The following MGST1 variants were observed in gnomAD, a reference collection of about 807,000 sequenced individuals.
MGST1 encodes microsomal glutathione S-transferase 1, also known as glutathione S-transferase 12.
A neutral mutation model predicts 8.9 loss-of-function variants in MGST1; 5 were observed. The observed-to-expected ratio is 0.56, with a 90% CI of 0.29 to 1.19. MGST1 has a LOEUF of 1.19. Among genes scored for constraint, MGST1 ranks in the 50% most tolerant of loss-of-function variants. The pLI is 0.08. For synonymous variants in MGST1, 54 were observed against 67.8 expected (o/e 0.80, Z 1.00); for missense variants, 182 against 187.4 (o/e 0.97, Z 0.17).
At chr12:16,457,292 A>G (rs1941181837) in intron 4 of MGST1, among the ~76,000 whole-genome samples, 2 of 152,014 alleles carry the variant, frequency 1.3e-5, no homozygotes, top group South Asian at 4.1e-4. Context: ...TTATATGTAT[A>G]TACATTTACA....
chr12:16,492,918 T>C (rs926225926), intron 4 of MGST1, among the ~76,000 whole-genome samples: 29 of 152,162 alleles, frequency 1.9e-4, no homozygotes, highest in Non-Finnish European at 2.8e-4. Context: ...ACCAGGCCTA[T>C]TGAAGGAACA....
At chr12:16,380,476 G>C (rs527589647), downstream of MGST1, among the ~76,000 whole-genome samples, 1 of 152,134 alleles carries the variant, frequency 6.6e-6, no homozygotes, top group Admixed American at 6.6e-5. Flanking sequence ...TTAATCCTGA[G>C]TTCTAGTTTG....
At chr12:16,558,514 A>G (rs992137057) in intron 4 of MGST1, among the ~76,000 whole-genome samples, 1 of 152,232 alleles carries the variant, frequency 6.6e-6, no homozygotes, top group Admixed American at 6.5e-5. Flanking sequence ...AGGTGTCTGT[A>G]TGGATGTGGG....
chr12:16,422,994 C>T (rs1285450667), intron 1 of MGST1, among the ~76,000 whole-genome samples: 1 of 152,134 alleles, frequency 6.6e-6, no homozygotes, highest in African/African-American at 2.4e-5. Flanking sequence ...CTCCAGTACT[C>T]TACCCTGTGA....
At chr12:16,495,934 C>A (rs187813800) in intron 4 of MGST1, among the ~76,000 whole-genome samples, 118 of 152,140 alleles carry the variant, frequency 7.8e-4, no homozygotes, top group African/African-American at 2.7e-3. Context: ...TAATTATAGT[C>A]CCCTTTCCTT....
intron 4 of MGST1, among the ~76,000 whole-genome samples, chr12:16,501,401 G>C (rs1174457702): frequency 1.3e-5 from 2 of 152,204 alleles, no homozygotes; most frequent in African/African-American, 4.8e-5. Context: ...CGCACACACA[G>C]TGTGGCAAAG....
chr12:16,372,391 A>G (rs1246518364), intron 3 of MGST1, among the ~76,000 whole-genome samples: 1 of 152,148 alleles, frequency 6.6e-6, no homozygotes, highest in Non-Finnish European at 1.5e-5. Context: ...CGTTCTCAAA[A>G]GAATACATAC....
At chr12:16,450,730 G>A (rs778156073) in intron 4 of MGST1, among the ~76,000 whole-genome samples, 1 of 151,964 alleles carries the variant, frequency 6.6e-6, no homozygotes, top group Non-Finnish European at 1.5e-5. Flanking sequence ...CAGCATGAGT[G>A]AATGGGCTTT....
At chr12:16,464,945 G>A (rs1482259981) in intron 4 of MGST1, among the ~76,000 whole-genome samples, 1 of 152,154 alleles carries the variant, frequency 6.6e-6, no homozygotes, top group African/African-American at 2.4e-5. Context: ...TTCCCCTTGT[G>A]CACACGTATT....
chr12:16,515,646 A>C (rs1036745600), intron 4 of MGST1, among the ~76,000 whole-genome samples: 1 of 135,306 alleles, frequency 7.4e-6, no homozygotes, highest in African/African-American at 2.7e-5. Context: ...AAAAAAAAAA[A>C]GAAAAAAAAA....
rs1423593227 is a variant in MGST1 at position 16,559,986 on chromosome 12, G to A, written n.483-29542G>A. 6.6e-6 allele frequency among the ~76,000 whole-genome samples: 1 copy of A among 150,962 alleles called. No individual in the cohort carries two copies. Among genetic ancestry groups the A allele is most frequent in the Non-Finnish European group, 1.5e-5 (1 of 67,772 alleles). ...AAAAAAGCAAAAACAAAAACATGAGGGATAAGGAATTTAAAATATAAAAAA... is the reference window on the plus strand; with the variant it reads ...AAAAAAGCAAAAACAAAAACATGAGAGATAAGGAATTTAAAATATAAAAAA... On this transcript the variant is annotated intron_variant and non_coding_transcript_variant, in intron 4 of 4. Coordinates refer to the MGST1 transcript ENST00000538857. The surrounding 1 kb of genome is among the most constrained non-coding windows in gnomAD (Gnocchi z 4.1).
chr12:16,474,052 T>G (rs1941305380), intron 4 of MGST1, among the ~76,000 whole-genome samples: 1 of 152,162 alleles, frequency 6.6e-6, no homozygotes, highest in South Asian at 2.1e-4. Flanking sequence ...TGGAACGGAG[T>G]GAACAATTTG....
chr12:16,406,206 C>T (rs1303352814), intron 1 of MGST1, among the ~76,000 whole-genome samples: 1 of 152,090 alleles, frequency 6.6e-6, no homozygotes, highest in African/African-American at 2.4e-5. Context: ...AATACAAAAC[C>T]TCAGCAAAAT....
Position 16,458,974 on chromosome 12 carries a change from C to T in MGST1, n.482+75370C>T, listed in dbSNP as rs544559980. Among the ~76,000 whole-genome samples, 13 of 152,044 alleles carry T rather than the reference C, an allele frequency of 8.6e-5. No homozygotes were observed. In the South Asian group the frequency reaches 2.7e-3, roughly 32 times the overall value. ...AGCTATCTGAGGCAGAATTTCATAC[C>T]CAGAGCACTGCTGAGCCTTGTTAGC... On this transcript the variant is annotated intron_variant and non_coding_transcript_variant, in intron 4 of 4. Coordinates refer to the MGST1 transcript ENST00000538857. The surrounding 1 kb of genome is among the most constrained non-coding windows in gnomAD (Gnocchi z 4.0).
At chr12:16,417,677 C>T (rs989445897) in intron 1 of MGST1, among the ~76,000 whole-genome samples, 11 of 152,046 alleles carry the variant, frequency 7.2e-5, no homozygotes, top group African/African-American at 2.7e-4. Flanking sequence ...GTATGCTCAA[C>T]AGTAAAGTAA....
rs1276145206 is a variant in MGST1, at chr12:16,453,110, G to A, written n.482+69506G>A. Among the ~76,000 whole-genome samples the A allele has an allele frequency of 2.0e-5, 3 of 151,902 alleles. No homozygotes were observed. In the East Asian group the frequency reaches 5.8e-4, roughly 29 times the overall value. On this transcript the variant is annotated intron_variant and non_coding_transcript_variant, in intron 4 of 4. Coordinates refer to the MGST1 transcript ENST00000538857. Reference sequence around the variant, plus strand: ...TATAAGAAAAACAAAATTCCACAGAGGCAACAAGCCAGTGTGACATGAACC... The same window carrying A: ...TATAAGAAAAACAAAATTCCACAGAAGCAACAAGCCAGTGTGACATGAACC...
At chr12:16,488,538 T>A (rs533933730) in intron 4 of MGST1, among the ~76,000 whole-genome samples, 1 of 152,318 alleles carries the variant, frequency 6.6e-6, no homozygotes, top group African/African-American at 2.4e-5. Context: ...TCCCCTATTT[T>A]GAGAAGTCTT....
downstream of MGST1, among the ~76,000 whole-genome samples, chr12:16,439,146 T>C (rs1455687506): frequency 6.6e-6 from 1 of 150,942 alleles, no homozygotes; most frequent in East Asian, 1.9e-4. Flanking sequence ...AAACTATCTA[T>C]ATTCTGCTAT....
chr12:16,539,834 A>G (rs545509786), intron 4 of MGST1, among the ~76,000 whole-genome samples: 1 of 152,292 alleles, frequency 6.6e-6, no homozygotes, highest in African/African-American at 2.4e-5. Context: ...ACATACATAT[A>G]TTTTTAAAGA....
Sources: gnomAD v4.1 joint callset for allele counts (sites outside exome capture counted in the v4.1 genomes callset) on GRCh38, gnomAD v4.1.1 for gene constraint, Gnocchi (gnomAD v3.1) non-coding constraint, MANE v1.5 for transcripts, NCBI Gene and HGNC (gene_info 2026-07-23, HGNC 2026-07-21) for gene names.